ZNF536: variants seen among roughly 807,000 people sequenced by gnomAD.
ZNF536 encodes the protein zinc finger protein 536.
In ZNF536, 13 loss-of-function variants were observed where a neutral mutation model predicts 84.5. That is an observed-to-expected ratio of 0.15 (90% CI 0.10 to 0.24). The LOEUF (loss-of-function observed/expected upper bound fraction) is 0.24, where lower values mean the gene tolerates loss of function less well. Among genes scored for constraint, ZNF536 ranks in the 10% least tolerant of loss-of-function variants. The pLI, the probability that ZNF536 is intolerant of heterozygous loss-of-function variation, is 1.00. For synonymous variants in ZNF536, 811 were observed against 742.5 expected (o/e 1.09, Z -1.50); for missense variants, 1,536 against 1,747.5 (o/e 0.88, Z 2.16).
chr19:30,453,245 C>A (rs2052690803), intron 2 of ZNF536, among the ~76,000 whole-genome samples: 1 of 152,132 alleles, frequency 6.6e-6, no homozygotes, highest in African/African-American at 2.4e-5. Flanking sequence ...TTGGGCAGAA[C>A]CTGCTCACTG....
intron 1 of ZNF536, among the ~76,000 whole-genome samples, chr19:30,568,733 G>A (rs572625202): frequency 2.4e-4 from 36 of 152,330 alleles, no homozygotes; most frequent in Non-Finnish European, 4.0e-4. Flanking sequence ...TGGGGCAGCC[G>A]AGATGACAGG....
chr19:30,678,734 C>T (rs1177556412), intron 1 of ZNF536, among the ~76,000 whole-genome samples: 1 of 49,896 alleles, frequency 2.0e-5, no homozygotes, highest in Non-Finnish European at 5.2e-5. Flanking sequence ...CACCCCCAAG[C>T]CCCCCCACAC....
At chr19:30,683,272 A>G (rs1003806158) in intron 1 of ZNF536, among the ~76,000 whole-genome samples, 1 of 152,222 alleles carries the variant, frequency 6.6e-6, no homozygotes, top group African/African-American at 2.4e-5. Context: ...GTTTCTGCCT[A>G]ATATCAAATG....
intron 2 of ZNF536, among the ~76,000 whole-genome samples, chr19:30,317,982 C>T (rs77794587): frequency 4.2e-3 from 635 of 152,252 alleles, no homozygotes; most frequent in Non-Finnish European, 7.1e-3. Context: ...GCTAAGCGAC[C>T]GAGTGCTTGA....
intron 3 of ZNF536, among the ~76,000 whole-genome samples, chr19:30,543,558 G>A (rs929221506): frequency 6.6e-6 from 1 of 152,246 alleles, no homozygotes; most frequent in African/African-American, 2.4e-5. Context: ...GGAGGCCTGG[G>A]ATTTGCTAGA....
chr19:30,534,476 CA>C (rs2044986183), intron 2 of ZNF536, among the ~76,000 whole-genome samples: 1 of 152,096 alleles, frequency 6.6e-6, no homozygotes, highest in South Asian at 2.1e-4. Context: ...GTGAACTCTA[CA>C]GTGAGTCCAT....
chr19:30,511,558 G>A lies in ZNF536; in HGVS notation c.2171-23289G>A, dbSNP rs149846582. The stretch of plus-strand genomic sequence containing the variant: ...TTGTCTCAGCCTTCATTGTGTCTGC[G>A]GCCATGGCAGGGTTTGAAAGCATTT... On this transcript the variant is annotated intron_variant, in intron 2 of 4. Transcript: ENST00000355537. Among the ~76,000 whole-genome samples, 691 of 152,252 alleles carry A rather than the reference G, an allele frequency of 4.5e-3. 4 individuals are homozygous for A. Among genetic ancestry groups the A allele is most frequent in the African/African-American group, 0.016 (650 of 41,520 alleles).
chr19:30,651,050 C>T (rs1019058763), intron 1 of ZNF536, among the ~76,000 whole-genome samples: 1 of 152,198 alleles, frequency 6.6e-6, no homozygotes, highest in African/African-American at 2.4e-5. Flanking sequence ...GCTTTAAATT[C>T]TCCAAAAGAC....
At chr19:30,637,316 C>T (rs1443260989) in intron 1 of ZNF536, among the ~76,000 whole-genome samples, 1 of 152,184 alleles carries the variant, frequency 6.6e-6, no homozygotes, top group Non-Finnish European at 1.5e-5. Flanking sequence ...CTACTGACAC[C>T]AAGGGACATG....
intron 2 of ZNF536, among the ~76,000 whole-genome samples, chr19:30,350,459 C>T (rs2047897149): frequency 1.3e-5 from 2 of 152,144 alleles, no homozygotes; most frequent in Admixed American, 1.3e-4. Context: ...GAATTTCTAC[C>T]TTACATGTTA....
chr19:30,253,791 G>C (rs1261636374), intron 1 of ZNF536, among the ~76,000 whole-genome samples: 3 of 152,092 alleles, frequency 2.0e-5, no homozygotes, highest in African/African-American at 7.2e-5. Flanking sequence ...ATGGGTAATT[G>C]GTGGCATGTG....
chr19:30,452,357 G>A (rs2052645758), intron 2 of ZNF536, among the ~76,000 whole-genome samples: 1 of 152,208 alleles, frequency 6.6e-6, no homozygotes, highest in African/African-American at 2.4e-5. Flanking sequence ...CTGTTCATAG[G>A]AAGTGCGTTC....
At chr19:30,355,487 A>C (rs1236720615) in intron 3 of ZNF536, among the ~76,000 whole-genome samples, 1 of 152,150 alleles carries the variant, frequency 6.6e-6, no homozygotes, top group African/African-American at 2.4e-5. Context: ...TCCTGGGCTC[A>C]TGCGATCCCC....
chr19:30,627,524 G>A (rs2048732451), intron 1 of ZNF536, among the ~76,000 whole-genome samples: 1 of 143,704 alleles, frequency 7.0e-6, no homozygotes, highest in African/African-American at 2.6e-5. Context: ...GCTGGAGCTG[G>A]AAGACACAAG....
chr19:30,229,360 C>T (rs2022839556), intron 1 of ZNF536, among the ~76,000 whole-genome samples: 2 of 151,830 alleles, frequency 1.3e-5, no homozygotes, highest in Non-Finnish European at 2.9e-5. Context: ...TATAAAATAC[C>T]AACCCTTGCC....
intron 2 of ZNF536, among the ~76,000 whole-genome samples, chr19:30,335,877 G>C (rs898899349): frequency 2.9e-4 from 44 of 152,264 alleles, no homozygotes; most frequent in Middle Eastern, 3.4e-3. Context: ...ACCAGCAGGT[G>C]GATGGGAGGT....
intron 1 of ZNF536, among the ~76,000 whole-genome samples, chr19:30,620,815 C>A (rs2048456904): frequency 6.6e-6 from 1 of 151,740 alleles, no homozygotes; most frequent in African/African-American, 2.4e-5. Context: ...TGTGTCCATG[C>A]AGAACTTTAA....
intron 2 of ZNF536, among the ~76,000 whole-genome samples, chr19:30,462,245 C>T (rs1444684828): frequency 6.6e-6 from 1 of 151,980 alleles, no homozygotes; most frequent in African/African-American, 2.4e-5. Flanking sequence ...GGGGCTGAGT[C>T]TGCTGTGATG....
chr19:30,685,463 C>G (rs895251356), intron 1 of ZNF536, among the ~76,000 whole-genome samples: 6 of 152,078 alleles, frequency 3.9e-5, no homozygotes, highest in African/African-American at 1.2e-4. Context: ...AAACCAAACT[C>G]TGGTATCCCC....
Sources: allele counts gnomAD v4.1 joint callset (sites outside exome capture counted in the v4.1 genomes callset), GRCh38; gene constraint gnomAD v4.1.1; transcripts MANE v1.5; gene names NCBI Gene and HGNC (gene_info 2026-07-23, HGNC 2026-07-21).